LONRF2: variants seen among roughly 807,000 people sequenced by gnomAD.
LONRF2 encodes LON peptidase N-terminal domain and RING finger protein 2.
LONRF2 carries 35 observed loss-of-function variants against 66.6 expected under a neutral mutation model. The ratio of observed to expected loss-of-function variants is 0.53; its 90% CI spans 0.40 to 0.70. The LOEUF (loss-of-function observed/expected upper bound fraction) is 0.70, where lower values mean the gene tolerates loss of function less well. Ranked by LOEUF, LONRF2 falls within the 30% of genes least tolerant of loss-of-function variation. The pLI is 0.00. For missense variants in LONRF2, 902 were observed against 1,002.1 expected, an observed-to-expected ratio of 0.90 and a Z score of 1.35; for synonymous variants, 417 against 418.1, an observed-to-expected ratio of 1.00 and a Z score of 0.03.
chr2:100,318,150 C>A lies in LONRF2; in HGVS notation c.679+3265G>T, dbSNP rs557875704. Among the ~76,000 whole-genome samples, 17 of 152,206 alleles carry A rather than the reference C, an allele frequency of 1.1e-4. 1 individual carries two copies. The South Asian group carries it at 3.5e-3, about 32-fold the overall frequency. On this transcript the variant is annotated intron_variant, in intron 1 of 11. Transcript: ENST00000393437. ...CATAACTCCCATGCTCTCTTTTAGTCTTCTTCTGTGATTCAGTTTGGATAT... is the reference window on the plus strand; with the variant it reads ...CATAACTCCCATGCTCTCTTTTAGTATTCTTCTGTGATTCAGTTTGGATAT...
At chr2:100,309,416 T>C (rs1675366177) in intron 1 of LONRF2, 191 bp from the exon 2 acceptor site, 1 of 314,096 alleles carries the variant, frequency 3.2e-6, no homozygotes, top group African/African-American at 2.2e-5. Flanking sequence ...TTTAGTTATT[T>C]GATAAGTATA....
At position 100,284,421 on chromosome 2, in the gene LONRF2, C is replaced by A; in HGVS notation, c.2142G>T (p.Leu714=). The part of the protein sequence containing the change: ...AVLPLERKAQ[L]AILGMTSLKE... Reference sequence around the variant, plus strand: ...TGAGCGAGGTCATGCCGAGGATGGCCAGCTGAGCCTTGCGCTCCAGGGGCA... The same window carrying A: ...TGAGCGAGGTCATGCCGAGGATGGCAAGCTGAGCCTTGCGCTCCAGGGGCA... Residue 714 remains leucine (L), a synonymous_variant, in exon 12 of 12, where the codon CTG becomes CTT. Transcript: ENST00000393437. The A allele has an allele frequency of 6.2e-7, 1 of 1,607,342 alleles. No individual in the cohort carries two copies.
Position 100,298,787 on chromosome 2 carries a change from C to T in LONRF2, c.1476+49G>A, listed in dbSNP as rs768566670. On this transcript the variant is annotated intron_variant, in intron 7 of 11. Coordinates refer to ENST00000393437, the MANE Select transcript of LONRF2 (RefSeq NM_198461.4). ...CACGAGACAGGGAGTAAGCGTCCAC[C>T]AAGGGATGAGAGGAGGAGCTGTCCC... 8 of 1,399,164 alleles carry T rather than the reference C, an allele frequency of 5.7e-6. No individual in the cohort carries two copies. The South Asian group carries it at 8.1e-5, about 14-fold the overall frequency. 86.7% of individuals were successfully genotyped at this position (1,399,164 alleles called of 1,614,324 possible).
rs1457984833 is a variant in LONRF2, at chr2:100,302,914, C to T, written c.921+7G>A. The T allele has an allele frequency of 1.3e-6, 2 of 1,590,904 alleles. No homozygotes were observed. Among genetic ancestry groups the T allele is most frequent in the Middle Eastern group, 1.7e-4 (1 of 5,952 alleles). ...TGATAGAGAAAGTCCTTTAACAGAA[C>T]TCATACCTTCTGTGCTTCTTTCTTC... is the stretch of plus-strand genomic sequence containing the variant. On this transcript the variant is annotated splice_region_variant and intron_variant, in intron 3 of 11. Coordinates refer to ENST00000393437, the MANE Select transcript of LONRF2 (RefSeq NM_198461.4).
Position 100,298,944 on chromosome 2 carries a change from G to A in LONRF2, c.1368C>T (p.Leu456=), listed in dbSNP as rs895227051. 4.3e-6 allele frequency: 7 copies of A among 1,609,734 alleles called. No individual in the cohort carries two copies. In the African/African-American group the frequency reaches 8.0e-5, roughly 18 times the overall value. The change falls in exon 7 of 12, where the codon CTC becomes CTT. Residue 456 remains leucine, a synonymous_variant. Transcript: ENST00000393437. Reference sequence around the variant, plus strand: ...CACAGGGCGTAGTGACAGGTTCAAAGAGCAATCTGGAAGAAAATATCTGTT... The same window carrying A: ...CACAGGGCGTAGTGACAGGTTCAAAAAGCAATCTGGAAGAAAATATCTGTT... The part of the protein sequence containing the change: ...DFECALCMRL[L]FEPVTTPCGH...
At position 100,276,299 on chromosome 2, in the gene LONRF2, C is replaced by A. The variant is rs150491071; in HGVS notation, c.*7999G>T. 8 of 152,144 alleles carry A rather than the reference C, an allele frequency of 5.3e-5. No individual in the cohort carries two copies. Among genetic ancestry groups the A allele is most frequent in the East Asian group, 3.9e-4 (2 of 5,180 alleles). 9.4% of individuals were successfully genotyped at this position (152,144 alleles called of 1,614,324 possible). On this transcript the variant is annotated 3_prime_UTR_variant, in exon 12 of 12. Transcript: ENST00000393437. ...GATCCCACTAAATCTAAACATTGTA[C>A]CCCTATAATCTTTTTAAAAAGGCAA...
At position 100,300,733 on chromosome 2, in the gene LONRF2, A is replaced by C; in HGVS notation, c.976T>G (p.Ser326Ala). The C allele has an allele frequency of 5.0e-6, 8 of 1,613,474 alleles. No homozygotes were observed. The highest frequency in any genetic ancestry group is 6.8e-6 in the Non-Finnish European group (8 of 1,179,784). The change falls in exon 4 of 12, where the codon TCT becomes GCT. Residue 326 changes from serine (S) to alanine (A), a missense_variant. By Grantham distance (99) the Ser-to-Ala change is moderately conservative. Around this residue, in one of 2 missense-constraint regions of LONRF2, gnomAD observed 585 missense variants for 569.9 expected, o/e 1.03. Transcript: ENST00000393437. ...GCCTTTAATCTGCTTTGGATGGAAGATGTTAAATTTTCATGCACATTTGCT... is the reference window on the plus strand; with the variant it reads ...GCCTTTAATCTGCTTTGGATGGAAGCTGTTAAATTTTCATGCACATTTGCT... ...ATANVHENLT[S>A]SIQSRLKAQG...
rs534967952 is a variant in LONRF2, at chr2:100,273,987, A to G, written c.*10311T>C. The G allele has an allele frequency of 1.3e-5, 2 of 152,346 alleles. No individual in the cohort carries two copies. The highest frequency in any genetic ancestry group is 2.1e-4 in the South Asian group (1 of 4,826). 9.4% of individuals were successfully genotyped at this position (152,346 alleles called of 1,614,324 possible). A position where few individuals can be genotyped will look rare whatever the true frequency, so the allele number is the denominator to read the frequency against. On this transcript the variant is annotated 3_prime_UTR_variant, in exon 12 of 12. Transcript: ENST00000393437. ...GTCGGTCACTGGTTGAACTGTTCAC[A>G]GTACAAAAAGGTGACAAAACTATGA...
At chr2:100,296,915 C>T (rs1675079404) in intron 7 of LONRF2, among the ~76,000 whole-genome samples, 1 of 152,096 alleles carries the variant, frequency 6.6e-6, no homozygotes, top group Non-Finnish European at 1.5e-5. Flanking sequence ...ATGTGACTCC[C>T]GCATTGAAGA....
At chr2:100,290,967 A>C (rs1674948387) in intron 9 of LONRF2, among the ~76,000 whole-genome samples, 1 of 152,224 alleles carries the variant, frequency 6.6e-6, no homozygotes, top group African/African-American at 2.4e-5. Context: ...AAAGTGAAAA[A>C]ACAAGCTATG....
intron 1 of LONRF2, among the ~76,000 whole-genome samples, chr2:100,312,176 C>G (rs1675423140): frequency 6.6e-6 from 1 of 152,126 alleles, no homozygotes; most frequent in Non-Finnish European, 1.5e-5. Context: ...CCCTGAGGAG[C>G]ATCTCAATTT....
intron 7 of LONRF2, among the ~76,000 whole-genome samples, chr2:100,298,517 G>A (rs943634166): frequency 6.6e-6 from 1 of 152,148 alleles, no homozygotes; most frequent in Non-Finnish European, 1.5e-5. Flanking sequence ...GAGAATTCCT[G>A]GAGCACATTA....
intron 3 of LONRF2, 28 bp from the exon 4 acceptor site, chr2:100,300,815 T>C (rs116312776): frequency 4.6e-6 from 7 of 1,527,498 alleles, no homozygotes; most frequent in East Asian, 4.8e-5. Flanking sequence ...AAAGAAAAAA[T>C]ATATATTTTA....
At chr2:100,301,522 C>T (rs1360946714) in intron 3 of LONRF2, among the ~76,000 whole-genome samples, 1 of 152,260 alleles carries the variant, frequency 6.6e-6, no homozygotes, top group Non-Finnish European at 1.5e-5. Context: ...CACCACCACC[C>T]TCAGCAGGGA....
chr2:100,293,698 G>A (rs1400536884), intron 9 of LONRF2, among the ~76,000 whole-genome samples: 1 of 152,170 alleles, frequency 6.6e-6, no homozygotes, highest in Non-Finnish European at 1.5e-5. Flanking sequence ...AAATGATTTG[G>A]CTGTAGAGAC....
intron 4 of LONRF2, 69 bp from the exon 5 acceptor site, chr2:100,299,987 G>T: frequency 1.5e-6 from 1 of 685,228 alleles, no homozygotes. Context: ...AAAGAATGCA[G>T]AAGCCTGTAC....
chr2:100,313,183 G>A (rs1675442030), intron 1 of LONRF2, among the ~76,000 whole-genome samples: 1 of 152,162 alleles, frequency 6.6e-6, no homozygotes, highest in East Asian at 1.9e-4. Context: ...AGAAATGGAG[G>A]ATTACATGTT....
At chr2:100,294,188 C>G in intron 9 of LONRF2, 41 bp downstream of exon 9, 1 of 1,593,454 alleles carries the variant, frequency 6.3e-7, no homozygotes. Context: ...AAACGATGCC[C>G]TTCATTAGGA....
rs1674514717 is a variant in LONRF2, at chr2:100,272,325, C to A, written c.*11973G>T. Among the ~76,000 whole-genome samples, 1 of 152,066 alleles carries A rather than the reference C, an allele frequency of 6.6e-6. No homozygotes were observed. Among genetic ancestry groups the A allele is most frequent in the South Asian group, 2.1e-4 (1 of 4,816 alleles). ...ACCAGCTTGGGCAACACAGCTAGAC[C>A]TCGTCTCCATAGAAAGTAAAAAAAT... On this transcript the variant is annotated 3_prime_UTR_variant, in exon 12 of 12. Transcript: ENST00000393437.
Sources: gnomAD v4.1 joint callset for allele counts (sites outside exome capture counted in the v4.1 genomes callset) on GRCh38, gnomAD v4.1.1 for gene constraint, gnomAD v4.1.1 regional missense constraint, MANE v1.5 for transcripts, NCBI Gene and HGNC (gene_info 2026-07-23, HGNC 2026-07-21) for gene names.